ZYG11B: variants seen among roughly 807,000 people sequenced by gnomAD.
ZYG11B encodes the protein protein zyg-11 homolog B.
Under a neutral mutation model 82.4 loss-of-function variants are expected in ZYG11B, and 36 were observed. The ratio of observed to expected loss-of-function variants is 0.44; its 90% CI spans 0.33 to 0.58. ZYG11B has a LOEUF of 0.58. ZYG11B is among the 20% of genes least tolerant of loss of function. The pLI is 0.02. For missense variants in ZYG11B, 552 were observed against 895.6 expected, an observed-to-expected ratio of 0.62 and a Z score of 4.90; for synonymous variants, 303 against 312.8, an observed-to-expected ratio of 0.97 and a Z score of 0.33.
At chr1:52,753,125 T>C (rs1644540217) in intron 1 of ZYG11B, among the ~76,000 whole-genome samples, 1 of 152,112 alleles carries the variant, frequency 6.6e-6, no homozygotes, top group Non-Finnish European at 1.5e-5. Context: ...GGATTACAGG[T>C]GTGAGCTGCC....
At chr1:52,793,887 C>CCTTCCTTA (rs1553261679) in intron 6 of ZYG11B, among the ~76,000 whole-genome samples, 4,116 of 144,932 alleles carry the variant, frequency 0.028, 144 homozygotes, top group East Asian at 0.17. Context: ...TTCCTTCCTT[C>CCTTCCTTA]CTTCCTTCCT....
chr1:52,754,032 C>CG (rs1644549366), intron 1 of ZYG11B, among the ~76,000 whole-genome samples: 1 of 144,098 alleles, frequency 6.9e-6, no homozygotes, highest in Non-Finnish European at 1.5e-5. Context: ...CCCCCTTTGC[C>CG]TTTTTTTTTT....
At chr1:52,789,906 A>AGTC in intron 5 of ZYG11B, 97 bp from the exon 6 acceptor site, 1 of 797,784 alleles carries the variant, frequency 1.3e-6, no homozygotes, top group African/African-American at 1.9e-5. Flanking sequence ...GTGTTTCATC[A>AGTC]GTCTTCTTCT....
At chr1:52,748,753 T>C (rs1422631728) in intron 1 of ZYG11B, among the ~76,000 whole-genome samples, 1 of 152,070 alleles carries the variant, frequency 6.6e-6, no homozygotes, top group Non-Finnish European at 1.5e-5. Flanking sequence ...TCCCAGCTAC[T>C]TGGGAGTCTG....
intron 5 of ZYG11B, among the ~76,000 whole-genome samples, chr1:52,788,547 G>T (rs1644931722): frequency 6.6e-6 from 1 of 152,148 alleles, no homozygotes; most frequent in Admixed American, 6.5e-5. Flanking sequence ...GCTGTTGGGA[G>T]CCCAGGAGGA....
In ZYG11B at chr1:52,726,538, A is replaced by T; in HGVS notation, c.-116A>T. On this transcript the variant is annotated 5_prime_UTR_variant, in exon 1 of 14. Coordinates refer to ENST00000294353, the MANE Select transcript of ZYG11B (RefSeq NM_024646.3). ...CTCCTAGCTTGAGGGAAAGAGGCCG[A>T]GGCCTGGGCCAAGCCCGGAGCCGCC... The T allele has an allele frequency of 9.9e-7, 1 of 1,012,734 alleles. No homozygotes were observed. Among genetic ancestry groups the T allele is most frequent in the Non-Finnish European group, 1.3e-6 (1 of 767,656 alleles). 62.7% of individuals were successfully genotyped at this position (1,012,734 alleles called of 1,614,324 possible). A position where few individuals can be genotyped will look rare whatever the true frequency, so the allele number is the denominator to read the frequency against.
At chr1:52,768,778 GA>G (rs1378542101) in intron 2 of ZYG11B, among the ~76,000 whole-genome samples, 2 of 151,966 alleles carry the variant, frequency 1.3e-5, no homozygotes, top group African/African-American at 4.8e-5. Flanking sequence ...ATTTTTAGTA[GA>G]AACGCGGTTT....
intron 1 of ZYG11B, among the ~76,000 whole-genome samples, chr1:52,747,456 T>C (rs1387510258): frequency 6.6e-6 from 1 of 152,184 alleles, no homozygotes; most frequent in East Asian, 1.9e-4. Context: ...AGAGATGATA[T>C]GGTGTAGCAG....
chr1:52,801,752 A>G, intron 8 of ZYG11B, 67 bp from the exon 9 acceptor site: 13 of 1,342,252 alleles, frequency 9.7e-6, no homozygotes, highest in Non-Finnish European at 1.2e-5. Flanking sequence ...ACTTGGGGTT[A>G]TTAATCACCA....
In ZYG11B at chr1:52,816,578, G is replaced by A. The variant is rs1461692380; in HGVS notation, c.1993G>A (p.Gly665Arg). The change falls in exon 13 of 14, where the codon GGA becomes AGA. Residue 665 changes from glycine (G) to arginine (R), a missense_variant. By Grantham distance (125) the Gly-to-Arg change is moderately radical. This residue lies in a region of ZYG11B where 127 missense variants were observed against 163.4 expected (regional missense o/e 0.78). Coordinates refer to ENST00000294353, the MANE Select transcript of ZYG11B (RefSeq NM_024646.3). ...ATTACTTGGCTGTTTCACAACACCA[G>A]GAGTTCAGCTATGGGCAGTTTGGGC... ...FPLLGCFTTPGVQLWAVWAMQ... is the reference protein window; with the variant it reads ...FPLLGCFTTPRVQLWAVWAMQ... 6.2e-7 allele frequency: 1 copy of A among 1,613,200 alleles called. No homozygotes were observed. The highest frequency in any genetic ancestry group is 1.7e-5 in the Admixed American group (1 of 59,792).
chr1:52,819,792 A>AAATAAT (rs67913247), intron 13 of ZYG11B, among the ~76,000 whole-genome samples: 4 of 149,558 alleles, frequency 2.7e-5, no homozygotes, highest in African/African-American at 9.9e-5. Context: ...TCTGAAAAAA[A>AAATAAT]AATAATAATA....
At chr1:52,797,513 A>C (rs1291459469) in intron 8 of ZYG11B, among the ~76,000 whole-genome samples, 2 of 75,972 alleles carry the variant, frequency 2.6e-5, no homozygotes, top group African/African-American at 8.1e-5. Context: ...AAATATATAT[A>C]TATATTTTTT....
intron 1 of ZYG11B, among the ~76,000 whole-genome samples, chr1:52,737,691 G>A (rs1027429571): frequency 6.6e-6 from 1 of 152,176 alleles, no homozygotes; most frequent in African/African-American, 2.4e-5. Flanking sequence ...TTGAACCCAG[G>A]AGACAGGTTG....
rs193033956 is a variant in ZYG11B, at chr1:52,741,665, A to G, written c.31-14793A>G. On this transcript the variant is annotated intron_variant, in intron 1 of 13. Transcript: ENST00000294353. ...GCTCTGAGAATACAGTAGAGAAGAA[A>G]ATGCGGGGTTTTTTTCTATGCAGCT... is the stretch of plus-strand genomic sequence containing the variant. 2.0e-4 allele frequency among the ~76,000 whole-genome samples: 31 copies of G among 152,152 alleles called. No homozygotes were observed. The East Asian group carries it at 6.0e-3, about 29-fold the overall frequency.
intron 1 of ZYG11B, among the ~76,000 whole-genome samples, chr1:52,742,032 A>C (rs973904870): frequency 6.6e-6 from 1 of 152,148 alleles, no homozygotes; most frequent in Admixed American, 6.5e-5. Flanking sequence ...TAGTCACCTG[A>C]TTTCTGGCCC....
At chr1:52,803,111 T>TACAC (rs1279486217) in intron 10 of ZYG11B, among the ~76,000 whole-genome samples, 1 of 90,724 alleles carries the variant, frequency 1.1e-5, no homozygotes, top group Non-Finnish European at 1.8e-5. Context: ...TATATATATA[T>TACAC]ATATATACAC....
chr1:52,814,704 T>TAC (rs10644507), intron 12 of ZYG11B, among the ~76,000 whole-genome samples: 10,180 of 91,926 alleles, frequency 0.11, 699 homozygotes, highest in East Asian at 0.49. Context: ...CAAATGTAAA[T>TAC]ACACACACAC....
chr1:52,819,659 C>T (rs1645265464), intron 13 of ZYG11B, among the ~76,000 whole-genome samples: 1 of 151,512 alleles, frequency 6.6e-6, no homozygotes, highest in South Asian at 2.1e-4. Context: ...TTGTGGCACA[C>T]ATCTGTACTC....
At chr1:52,743,806 T>G (rs990420671) in intron 1 of ZYG11B, among the ~76,000 whole-genome samples, 3 of 152,176 alleles carry the variant, frequency 2.0e-5, no homozygotes, top group Non-Finnish European at 4.4e-5. Context: ...GCCTTCACAT[T>G]CACTATCACT....
Sources: gnomAD v4.1 joint callset for allele counts (sites outside exome capture counted in the v4.1 genomes callset) on GRCh38, gnomAD v4.1.1 for gene constraint, gnomAD v4.1.1 regional missense constraint, MANE v1.5 for transcripts, NCBI Gene and HGNC (gene_info 2026-07-23, HGNC 2026-07-21) for gene names.